The following TBX3 variants were observed in gnomAD, a reference collection of about 807,000 sequenced individuals.
The protein encoded by TBX3 is T-box transcription factor 3, also known as T-box transcription factor TBX3.
TBX3 carries 11 observed loss-of-function variants against 47.8 expected under a neutral mutation model. That is an observed-to-expected ratio of 0.23 (90% CI 0.14 to 0.38). TBX3 has a LOEUF of 0.38. Among genes scored for constraint, TBX3 ranks in the 10% least tolerant of loss-of-function variants. The pLI is 1.00. For missense variants in TBX3, 927 were observed against 1,022.8 expected, an observed-to-expected ratio of 0.91 and a Z score of 1.28; for synonymous variants, 500 against 449.3, an observed-to-expected ratio of 1.11 and a Z score of -1.43.
chr12:114,683,468 T>C lies in TBX3; in HGVS notation c.-268A>G. On this transcript the variant is annotated 5_prime_UTR_variant, in exon 1 of 7. Transcript: ENST00000349155. This position sits in a 1 kb window ranked among gnomAD's most constrained non-coding sequence, Gnocchi z 7.7. ...AACATAGTCGCGCGGGTGACCGTCC[T>C]TGTGCCTTGCGTTTTTAAAAAGCCG... 4.1e-6 allele frequency: 2 copies of C among 482,720 alleles called. No individual in the cohort carries two copies. The highest frequency in any genetic ancestry group is 7.3e-6 in the Non-Finnish European group (2 of 274,510). 29.9% of individuals were successfully genotyped at this position (482,720 alleles called of 1,614,324 possible).
rs1206831594 is a variant in TBX3, at chr12:114,671,972, A to T, written c.2041T>A (p.Ser681Thr). 6.2e-7 allele frequency: 1 copy of T among 1,601,620 alleles called. No individual in the cohort carries two copies. The highest frequency in any genetic ancestry group is 1.3e-5 in the African/African-American group (1 of 74,836). ...ELNSRSSTLSSSSMSLSPKLC... is the reference protein window; with the variant it reads ...ELNSRSSTLSTSSMSLSPKLC... The stretch of plus-strand genomic sequence containing the variant: ...TTGGGCGACAAGGACATGGAGCTGG[A>T]GGAGAGCGTGGAGGAGCGGCTGTTG... The change falls in exon 7 of 7, where the codon TCC (serine) becomes ACC (threonine). Residue 681 changes from serine to threonine, a missense_variant. Coordinates refer to ENST00000349155, the MANE Select transcript of TBX3 (RefSeq NM_005996.4).
intron 5 of TBX3, among the ~76,000 whole-genome samples, 194 bp from the exon 6 acceptor site, chr12:114,675,029 T>C (rs1357897554): frequency 6.6e-6 from 1 of 152,202 alleles, no homozygotes; most frequent in Non-Finnish European, 1.5e-5. Context: ...ACAACATTGC[T>C]GGAAAATTCA....
intron 1 of TBX3, among the ~76,000 whole-genome samples, chr12:114,681,890 T>C (rs1049408388): frequency 6.6e-6 from 1 of 152,262 alleles, no homozygotes; most frequent in African/African-American, 2.4e-5. Context: ...GCTGGAAAAC[T>C]GACTAAATGT....
At position 114,680,868 on chromosome 12, in the gene TBX3, A is replaced by G. The variant is rs755420026; in HGVS notation, c.657+11T>C. 6 of 1,614,184 alleles carry G rather than the reference A, an allele frequency of 3.7e-6. No homozygotes were observed. In the Admixed American group the frequency reaches 5.0e-5, roughly 13 times the overall value. On this transcript the variant is annotated intron_variant, in intron 2 of 6. Transcript: ENST00000349155. Reference sequence around the variant, plus strand: ...GGAGAAAATTTTACTGAAGAGAGCAATGAAACTTACAAATCCATGTTTGTC... The same window carrying G: ...GGAGAAAATTTTACTGAAGAGAGCAGTGAAACTTACAAATCCATGTTTGTC...
At position 114,674,487 on chromosome 12, in the gene TBX3, G is replaced by A. The variant is rs1282046318; in HGVS notation, c.1388C>T (p.Thr463Met). Residue 463 changes from threonine to methionine, a missense_variant, in exon 6 of 7, where the codon ACG becomes ATG. Coordinates refer to ENST00000349155, the MANE Select transcript of TBX3 (RefSeq NM_005996.4). ...CGCGGCGGCCGCGTCCGTCTGCACC[G>A]TGAGCGGCGCGAAGGCCTCCTTGCC... is the stretch of plus-strand genomic sequence containing the variant. ...LPGKEAFAPLTVQTDAAAAHL... is the reference protein window; with the variant it reads ...LPGKEAFAPLMVQTDAAAAHL... 4 of 1,527,042 alleles carry A rather than the reference G, an allele frequency of 2.6e-6. No homozygotes were observed. The highest frequency in any genetic ancestry group is 1.2e-5 in the South Asian group (1 of 80,582). The allele number at this position is 1,527,042 out of a possible 1,614,324, so 94.6% of individuals were successfully genotyped here. A position where few individuals can be genotyped will look rare whatever the true frequency, so the allele number is the denominator to read the frequency against.
chr12:114,681,150 TA>T lies in TBX3; in HGVS notation c.390-5del. 1.2e-6 allele frequency: 2 copies of T among 1,613,952 alleles called. No individual in the cohort carries two copies. Among genetic ancestry groups the T allele is most frequent in the East Asian group, 4.5e-5 (2 of 44,868 alleles). On this transcript the variant is annotated splice_polypyrimidine_tract_variant and splice_region_variant and intron_variant, in intron 1 of 6. Coordinates refer to ENST00000349155, the MANE Select transcript of TBX3 (RefSeq NM_005996.4). ...TTTAAATGGAGGAAACATTCGCCTA[TA>T]AAACGAAAGAATAGAAAAGAAAAAG...
At chr12:114,680,276 A>G (rs1374026518) in intron 2 of TBX3, 2 of 427,344 alleles carry the variant, frequency 4.7e-6, no homozygotes, top group South Asian at 2.4e-5. Flanking sequence ...CCTGATATCT[A>G]CAAGCAATGA....
intron 5 of TBX3, among the ~76,000 whole-genome samples, chr12:114,676,071 C>G (rs1868693932): frequency 6.6e-6 from 1 of 152,210 alleles, no homozygotes; most frequent in South Asian, 2.1e-4. Flanking sequence ...ACACCCACCT[C>G]CCCTCCCCAC....
At position 114,674,465 on chromosome 12, in the gene TBX3, G is replaced by A. The variant is rs980793280; in HGVS notation, c.1410C>T (p.Ala470=). The A allele has an allele frequency of 9.7e-6, 15 of 1,542,226 alleles. No homozygotes were observed. The African/African-American group carries it at 1.9e-4, about 20-fold the overall frequency. The part of the protein sequence containing the change: ...APLTVQTDAA[A]AHLAQGPLPG... ...GCAGGGGGCCCTGGGCCAGGTGCGCGGCGGCCGCGTCCGTCTGCACCGTGA... is the reference window on the plus strand; with the variant it reads ...GCAGGGGGCCCTGGGCCAGGTGCGCAGCGGCCGCGTCCGTCTGCACCGTGA... Residue 470 remains alanine (A), a synonymous_variant, in exon 6 of 7, where the codon GCC becomes GCT. Transcript: ENST00000349155.
At position 114,682,947 on chromosome 12, in the gene TBX3, G is replaced by A. The variant is rs777208877; in HGVS notation, c.254C>T (p.Ala85Val). The change falls in exon 1 of 7, where the codon GCG becomes GTG. Residue 85 changes from alanine (A) to valine (V), a missense_variant. Ala to Val is a moderately conservative substitution (Grantham distance 64). Around this residue, in one of 5 missense-constraint regions of TBX3, gnomAD observed 216 missense variants for 281.2 expected, o/e 0.77. Coordinates refer to ENST00000349155, the MANE Select transcript of TBX3 (RefSeq NM_005996.4). ...GIPFSSLGPQ[A>V]HLRPLKTMEP... The stretch of plus-strand genomic sequence containing the variant: ...CATGGTCTTCAAAGGCCTCAGATGC[G>A]CCTGGGGCCCCAGGGAGGAGAACGG... 4.3e-6 allele frequency: 7 copies of A among 1,614,192 alleles called. No homozygotes were observed. The highest frequency in any genetic ancestry group is 1.7e-5 in the Admixed American group (1 of 60,036).
At chr12:114,673,976 AT>A (rs1451355051) in intron 6 of TBX3, among the ~76,000 whole-genome samples, 188 bp downstream of exon 6, 1 of 152,150 alleles carries the variant, frequency 6.6e-6, no homozygotes, top group Non-Finnish European at 1.5e-5. Context: ...AATTTTAAAG[AT>A]TTTTGGGGTG....
intron 5 of TBX3, 50 bp from the exon 6 acceptor site, chr12:114,674,885 A>T: frequency 6.5e-7 from 1 of 1,539,120 alleles, no homozygotes. Context: ...TATCTCCAGT[A>T]TGAGCCAACG....
intron 5 of TBX3, among the ~76,000 whole-genome samples, chr12:114,675,475 G>A (rs1402305670): frequency 1.3e-5 from 2 of 152,202 alleles, no homozygotes; most frequent in Non-Finnish European, 2.9e-5. Flanking sequence ...GCCCGGGGAC[G>A]ATCATAGATT....
Position 114,674,710 on chromosome 12 carries a change from T to C in TBX3, c.1165A>G (p.Ser389Gly), listed in dbSNP as rs1351262620. The C allele has an allele frequency of 1.2e-6, 2 of 1,604,634 alleles. No individual in the cohort carries two copies. Among genetic ancestry groups the C allele is most frequent in the Admixed American group, 1.7e-5 (1 of 59,568 alleles). Residue 389 changes from serine (S) to glycine (G), a missense_variant, in exon 6 of 7, where the codon AGC becomes GGC. By Grantham distance (56) the Ser-to-Gly change is moderately conservative. This residue lies in a region of TBX3 where 623 missense variants were observed against 569.0 expected (regional missense o/e 1.09). Transcript: ENST00000349155. ...AAAAGGTGAGCCTTGACCGCGGGGC[T>C]GCCCTTGTCACGGCAGGGCTCCTCC... Reference protein sequence around the residue: ...TSEEPCRDKGSPAVKAHLFAA... With the variant: ...TSEEPCRDKGGPAVKAHLFAA...
At chr12:114,682,124 G>A (rs1868956217) in intron 1 of TBX3, among the ~76,000 whole-genome samples, 2 of 152,178 alleles carry the variant, frequency 1.3e-5, no homozygotes, top group Admixed American at 1.3e-4. Flanking sequence ...TAAACATTAT[G>A]TAAAATATGG....
chr12:114,683,093 G>C lies in TBX3; in HGVS notation c.108C>G (p.His36Gln). The C allele has an allele frequency of 6.2e-7, 1 of 1,611,360 alleles. No individual in the cohort carries two copies. The highest frequency in any genetic ancestry group is 1.7e-4 in the Middle Eastern group (1 of 5,942). The change falls in exon 1 of 7, where the codon CAC (histidine) becomes CAG (glutamine). Residue 36 changes from histidine to glutamine, a missense_variant. By Grantham distance (24) the His-to-Gln change is conservative (BLOSUM62 0). Coordinates refer to ENST00000349155, the MANE Select transcript of TBX3 (RefSeq NM_005996.4). The surrounding 1 kb of genome is among the most constrained non-coding windows in gnomAD (Gnocchi z 7.7). ...PDFAMSAVLG[H>Q]QPPFFPALTL... ...TCAGCGCGGGGAAGAACGGCGGCTG[G>C]TGACCCAGCACCGCGCTCATGGCGA...
In TBX3 at chr12:114,682,901, C is replaced by T; in HGVS notation, c.300G>A (p.Glu100=). 6.2e-7 allele frequency: 1 copy of T among 1,614,194 alleles called. No homozygotes were observed. Among genetic ancestry groups the T allele is most frequent in the Non-Finnish European group, 8.5e-7 (1 of 1,180,046 alleles). ...LKTMEPEEEV[E]DDPKVHLEAK... Reference sequence around the variant, plus strand: ...CCTCCAGGTGCACCTTGGGGTCGTCCTCCACCTCTTCTTCGGGCTCCATGG... The same window carrying T: ...CCTCCAGGTGCACCTTGGGGTCGTCTTCCACCTCTTCTTCGGGCTCCATGG... Residue 100 remains glutamate, a synonymous_variant, in exon 1 of 7, where the codon GAG becomes GAA. Coordinates refer to ENST00000349155, the MANE Select transcript of TBX3 (RefSeq NM_005996.4).
chr12:114,682,063 A>T (rs143070358), intron 1 of TBX3, among the ~76,000 whole-genome samples: 1,619 of 152,300 alleles, frequency 0.011, 10 homozygotes, highest in Middle Eastern at 0.017. Context: ...ATTTTAAATG[A>T]CTATTACAGG....
At chr12:114,681,399 C>G (rs1425624148) in intron 1 of TBX3, among the ~76,000 whole-genome samples, 1 of 152,230 alleles carries the variant, frequency 6.6e-6, no homozygotes, top group Non-Finnish European at 1.5e-5. Flanking sequence ...CACTGCAATT[C>G]TCTACATTGT....
Sources: allele counts gnomAD v4.1 joint callset (sites outside exome capture counted in the v4.1 genomes callset), GRCh38; gene constraint gnomAD v4.1.1; regional missense constraint gnomAD v4.1.1; non-coding constraint Gnocchi (gnomAD v3.1); transcripts MANE v1.5; gene names NCBI Gene and HGNC (gene_info 2026-07-23, HGNC 2026-07-21).